The following PCNX4 variants were observed in gnomAD, a reference collection of about 807,000 sequenced individuals.
PCNX4 encodes the protein pecanex-like protein 4.
A neutral mutation model predicts 107.2 loss-of-function variants in PCNX4; 103 were observed. That is an observed-to-expected ratio of 0.96 (90% CI 0.82 to 1.13). The LOEUF is 1.13. Ranked by LOEUF, PCNX4 falls within the 50% of genes most tolerant of loss-of-function variation. The probability of loss-of-function intolerance (pLI) is 0.00; values close to 1 mark genes in which losing one functional copy is unlikely to be tolerated. For synonymous variants in PCNX4, 541 were observed against 481.7 expected (o/e 1.12, Z -1.61); for missense variants, 1,528 against 1,379.4 (o/e 1.11, Z -1.71).
At chr14:60,121,161 C>CTTTTTTTTTGTTTTTTTTTTTTT in intron 7 of PCNX4, 35 bp from the exon 8 acceptor site, 1 of 1,101,176 alleles carries the variant, frequency 9.1e-7, no homozygotes, top group Non-Finnish European at 1.2e-6. Context: ...AAATGATTTT[C>CTTTTTTTTTGTTTTTTTTTTTTT]TTTTTTTTTT....
intron 1 of PCNX4, among the ~76,000 whole-genome samples, chr14:60,098,401 A>C (rs904235311): frequency 6.6e-6 from 1 of 152,210 alleles, no homozygotes; most frequent in African/African-American, 2.4e-5. Flanking sequence ...CTGTTGAGCC[A>C]CTTTGTATTT....
chr14:60,104,410 T>G (rs1319394953), intron 1 of PCNX4, among the ~76,000 whole-genome samples: 1 of 152,102 alleles, frequency 6.6e-6, no homozygotes, highest in Non-Finnish European at 1.5e-5. Context: ...ATTTTCCAAT[T>G]TTAATTGTCT....
chr14:60,117,916 T>C (rs552892584), intron 6 of PCNX4, among the ~76,000 whole-genome samples: 1 of 152,320 alleles, frequency 6.6e-6, no homozygotes, highest in African/African-American at 2.4e-5. Context: ...GAGCCTCAGC[T>C]TCTCTCTGTG....
intron 1 of PCNX4, among the ~76,000 whole-genome samples, chr14:60,092,789 C>T (rs916077567): frequency 6.6e-6 from 1 of 152,136 alleles, no homozygotes; most frequent in African/African-American, 2.4e-5. Flanking sequence ...AACTCATGGC[C>T]CCCTGAACGT....
chr14:60,146,314 A>G lies in PCNX4; in HGVS notation c.*12093A>G, dbSNP rs1330426071. ...CTAAACAAAACAAAATATCCTTCATATGGACATTTCTGGAAGTACTACTAC... is the reference window on the plus strand; with the variant it reads ...CTAAACAAAACAAAATATCCTTCATGTGGACATTTCTGGAAGTACTACTAC... On this transcript the variant is annotated 3_prime_UTR_variant, in exon 11 of 11. Transcript: ENST00000406854. This position sits in a 1 kb window ranked among gnomAD's most constrained non-coding sequence, Gnocchi z 4.9. 2 of 152,140 alleles carry G rather than the reference A, an allele frequency of 1.3e-5. No individual in the cohort carries two copies. The highest frequency in any genetic ancestry group is 2.9e-5 in the Non-Finnish European group (2 of 68,018). 9.4% of individuals were successfully genotyped at this position (152,140 alleles called of 1,614,324 possible).
At chr14:60,112,644 A>T (rs1895760532) in intron 2 of PCNX4, among the ~76,000 whole-genome samples, 1 of 152,180 alleles carries the variant, frequency 6.6e-6, no homozygotes, top group African/African-American at 2.4e-5. Context: ...TTATGAGCAT[A>T]CATTATTTTT....
intron 6 of PCNX4, among the ~76,000 whole-genome samples, chr14:60,117,482 T>C (rs1297578429): frequency 2.0e-5 from 3 of 152,228 alleles, no homozygotes; most frequent in Non-Finnish European, 2.9e-5. Flanking sequence ...ATGTACGCTC[T>C]ATAATATTCA....
At chr14:60,121,003 T>C (rs1052482027) in intron 7 of PCNX4, among the ~76,000 whole-genome samples, 193 bp from the exon 8 acceptor site, 2 of 152,138 alleles carry the variant, frequency 1.3e-5, no homozygotes, top group African/African-American at 4.8e-5. Context: ...CTGTTCCAAC[T>C]GCTCTTGTAA....
intron 2 of PCNX4, chr14:60,109,590 G>A (rs160234): frequency 0.75 from 118,870 of 157,662 alleles, 46,970 homozygotes; most frequent in Non-Finnish European, 0.87. Context: ...ACAGACATGC[G>A]CCACCATGCC....
chr14:60,099,145 T>C (rs1451793167), intron 1 of PCNX4, among the ~76,000 whole-genome samples: 1 of 152,186 alleles, frequency 6.6e-6, no homozygotes, highest in Non-Finnish European at 1.5e-5. Flanking sequence ...ATTGCTCTAG[T>C]AGTAGCAAGT....
At chr14:60,107,563 T>C (rs998868792) in intron 1 of PCNX4, 23 bp from the exon 2 acceptor site, 42 of 1,312,296 alleles carry the variant, frequency 3.2e-5, no homozygotes, top group East Asian at 1.7e-4. Context: ...AAACAGTGAC[T>C]TTTTTTAATT....
rs1896016013 is a variant in PCNX4, at chr14:60,124,645, ATAT to A, written c.2476_2478del (p.Ile826del). 6.2e-7 allele frequency: 1 copy of A among 1,613,770 alleles called. No individual in the cohort carries two copies. Among genetic ancestry groups the A allele is most frequent in the Non-Finnish European group, 8.5e-7 (1 of 1,179,750 alleles). On this transcript the variant is annotated inframe_deletion, in exon 9 of 11. Transcript: ENST00000406854. ...ACTTTTAATGACTGGTCTGATGATA[ATAT>A]TTTTGATGATGAGCCAACTATCAAA...
Position 60,143,084 on chromosome 14 carries a change from C to T in PCNX4, c.*8863C>T, listed in dbSNP as rs1006414545. ...GTAGTTGAACAGACATCAGCAGGCA[C>T]AATGCTAGGCAGGCACTGGAGATTC... On this transcript the variant is annotated 3_prime_UTR_variant, in exon 11 of 11. Coordinates refer to ENST00000406854, the MANE Select transcript of PCNX4 (RefSeq NM_001330177.2). 1 of 152,218 alleles carries T rather than the reference C, an allele frequency of 6.6e-6. No homozygotes were observed. The highest frequency in any genetic ancestry group is 1.5e-5 in the Non-Finnish European group (1 of 68,068). The allele number at this position is 152,218 out of a possible 1,614,324, so 9.4% of individuals were successfully genotyped here. A position where few individuals can be genotyped will look rare whatever the true frequency, so the allele number is the denominator to read the frequency against.
chr14:60,120,534 T>C (rs895109414), intron 7 of PCNX4, among the ~76,000 whole-genome samples: 10 of 152,214 alleles, frequency 6.6e-5, no homozygotes, highest in Non-Finnish European at 8.8e-5. Context: ...GAACCACATA[T>C]TGTACAAGCC....
intron 10 of PCNX4, among the ~76,000 whole-genome samples, chr14:60,128,326 A>G (rs145859016): frequency 8.5e-5 from 13 of 152,324 alleles, no homozygotes; most frequent in African/African-American, 3.1e-4. Context: ...ACCAGGAGAA[A>G]ACCTTGAAAG....
chr14:60,125,996 AT>A (rs1896049268), intron 10 of PCNX4, 173 bp downstream of exon 10: 1 of 454,966 alleles, frequency 2.2e-6, no homozygotes, highest in Non-Finnish European at 3.7e-6. Context: ...GAACTCTAGA[AT>A]AGCTGATTTC....
At chr14:60,114,615 T>A in intron 2 of PCNX4, 85 bp from the exon 3 acceptor site, 3 of 1,179,160 alleles carry the variant, frequency 2.5e-6, no homozygotes, top group Non-Finnish European at 3.6e-6. Flanking sequence ...GGGAGTGTGT[T>A]GTTATTCTGT....
intron 10 of PCNX4, 155 bp downstream of exon 10, chr14:60,125,978 A>G: frequency 1.9e-6 from 1 of 533,798 alleles, no homozygotes. Flanking sequence ...TTTTTGGCTA[A>G]GCTAGATGAA....
chr14:60,091,961 C>A lies in PCNX4; in HGVS notation c.-512C>A, dbSNP rs113053299. ...GCCCAAGGGAACGTTCAGGGCGTCTCGGCTTTCCCCGCTGCTGCTTCTGCT... is the reference window on the plus strand; with the variant it reads ...GCCCAAGGGAACGTTCAGGGCGTCTAGGCTTTCCCCGCTGCTGCTTCTGCT... On this transcript the variant is annotated 5_prime_UTR_variant, in exon 1 of 11. Coordinates refer to ENST00000406854, the MANE Select transcript of PCNX4 (RefSeq NM_001330177.2). 4,806 of 152,590 alleles carry A rather than the reference C, an allele frequency of 0.031. 99 individuals carry two copies. Among genetic ancestry groups the A allele is most frequent in the Non-Finnish European group, 0.049 (3,312 of 68,202 alleles). The allele number at this position is 152,590 out of a possible 1,614,324, so 9.5% of individuals were successfully genotyped here.
Sources: allele counts gnomAD v4.1 joint callset (sites outside exome capture counted in the v4.1 genomes callset), GRCh38; gene constraint gnomAD v4.1.1; non-coding constraint Gnocchi (gnomAD v3.1); transcripts MANE v1.5; gene names NCBI Gene and HGNC (gene_info 2026-07-23, HGNC 2026-07-21).